Variants in SLC30A8 observed in about 807,000 individuals in gnomAD.
SLC30A8 encodes solute carrier family 30 member 8.
A neutral mutation model predicts 36.9 loss-of-function variants in SLC30A8; 27 were observed. The ratio of observed to expected loss-of-function variants is 0.73; its 90% CI spans 0.54 to 1.01. The LOEUF is 1.01. Ranked by LOEUF, SLC30A8 falls within the 50% of genes least tolerant of loss-of-function variation. SLC30A8 has a pLI of 0.00. For missense variants in SLC30A8, 439 were observed against 452.0 expected (o/e 0.97, Z 0.26); for synonymous variants, 164 against 172.4 (o/e 0.95, Z 0.38).
rs139627106 is a variant in SLC30A8 at position 116,994,203 on chromosome 8, T to G, written c.-266+43084T>G. On this transcript the variant is annotated intron_variant, in intron 1 of 10. Coordinates refer to the SLC30A8 transcript ENST00000427715. ...TTGGAGCAACTGGACCTCTGTGATT[T>G]GTGGGAATGTGAACTGGTGCAACCA... Among the ~76,000 whole-genome samples, 24 of 152,202 alleles carry G rather than the reference T, an allele frequency of 1.6e-4. No homozygotes were observed. The East Asian group carries it at 4.6e-3, about 29-fold the overall frequency.
At chr8:117,166,935 GAC>G (rs1291343882) in intron 6 of SLC30A8, among the ~76,000 whole-genome samples, 1 of 151,680 alleles carries the variant, frequency 6.6e-6, no homozygotes, top group Non-Finnish European at 1.5e-5. Flanking sequence ...TAATAGTGTT[GAC>G]AACAGTGAAA....
intron 1 of SLC30A8, among the ~76,000 whole-genome samples, chr8:116,960,030 G>A (rs900696336): frequency 2.6e-5 from 4 of 152,168 alleles, no homozygotes; most frequent in East Asian, 1.9e-4. Flanking sequence ...TTGAAGCCTC[G>A]AACTTCTTAA....
intron 1 of SLC30A8, among the ~76,000 whole-genome samples, chr8:117,035,082 C>T (rs1817171482): frequency 6.6e-6 from 1 of 152,108 alleles, no homozygotes; most frequent in African/African-American, 2.4e-5. Flanking sequence ...CAAATGATAT[C>T]ATTCCACCCC....
intron 1 of SLC30A8, among the ~76,000 whole-genome samples, chr8:116,972,272 T>C (rs780648643): frequency 2.0e-5 from 3 of 152,236 alleles, no homozygotes; most frequent in Admixed American, 6.5e-5. Flanking sequence ...ATACTTTTGC[T>C]GAAAAGGCTG....
At chr8:117,150,663 T>C (rs1317370563) in intron 2 of SLC30A8, among the ~76,000 whole-genome samples, 1 of 152,168 alleles carries the variant, frequency 6.6e-6, no homozygotes, top group Non-Finnish European at 1.5e-5. Flanking sequence ...TGGAGTGCAG[T>C]GGCCCGATCT....
At chr8:117,004,355 A>G (rs1816105829) in intron 1 of SLC30A8, among the ~76,000 whole-genome samples, 2 of 152,240 alleles carry the variant, frequency 1.3e-5, no homozygotes, top group East Asian at 1.9e-4. Context: ...TCCTTTTCAA[A>G]ATAGTTCTGC....
At chr8:117,151,340 A>C (rs2130980589) in intron 2 of SLC30A8, among the ~76,000 whole-genome samples, 1 of 152,294 alleles carries the variant, frequency 6.6e-6, no homozygotes, top group African/African-American at 2.4e-5. Flanking sequence ...CCCTGGTACC[A>C]TGCACAGTAA....
At chr8:116,981,311 C>T (rs1815251486) in intron 1 of SLC30A8, among the ~76,000 whole-genome samples, 1 of 152,206 alleles carries the variant, frequency 6.6e-6, no homozygotes, top group African/African-American at 2.4e-5. Flanking sequence ...AGGCTCAGAA[C>T]TCACAAAGCA....
At chr8:117,146,866 T>C in intron 1 of SLC30A8, 88 bp from the exon 2 acceptor site, 1 of 1,573,514 alleles carries the variant, frequency 6.4e-7, no homozygotes, top group Non-Finnish European at 8.6e-7. Context: ...AATGTCCTAA[T>C]AGCGGTTCCA....
intron 1 of SLC30A8, among the ~76,000 whole-genome samples, chr8:117,135,732 T>A (rs1463685517): frequency 6.6e-6 from 1 of 151,872 alleles, no homozygotes. Flanking sequence ...GTAAATTTTA[T>A]TATATTATAT....
intron 1 of SLC30A8, among the ~76,000 whole-genome samples, chr8:116,968,767 T>G (rs1274964428): frequency 1.3e-5 from 2 of 152,070 alleles, no homozygotes; most frequent in Non-Finnish European, 2.9e-5. Flanking sequence ...AGATGGAGTC[T>G]CGTTCTGTCA....
chr8:116,982,982 C>T (rs919374925), intron 1 of SLC30A8, among the ~76,000 whole-genome samples: 10 of 152,100 alleles, frequency 6.6e-5, no homozygotes, highest in Non-Finnish European at 1.5e-4. Context: ...TAAATATAAT[C>T]TCTATACTCT....
chr8:117,012,999 C>T (rs1380906430), intron 1 of SLC30A8, among the ~76,000 whole-genome samples: 2 of 151,970 alleles, frequency 1.3e-5, no homozygotes, highest in Non-Finnish European at 2.9e-5. Flanking sequence ...GATGAAAGAG[C>T]AAGCAGACCC....
In SLC30A8 at chr8:117,161,428, TCCCTTCA is replaced by T. The variant is rs539039248; in HGVS notation, c.573-309_573-303del. 7.9e-4 allele frequency among the ~76,000 whole-genome samples: 120 copies of T among 152,300 alleles called. 1 individual carries two copies. The highest frequency in any genetic ancestry group is 2.7e-3 in the African/African-American group (113 of 41,552). On this transcript the variant is annotated intron_variant, in intron 4 of 7. Coordinates refer to ENST00000456015, the MANE Select transcript of SLC30A8 (RefSeq NM_173851.3). ...TCAACCTTCAATAAAGGAGATTTCC[TCCCTTCA>T]TTATCAAATGCTTGATTTTCATCTA...
intron 2 of SLC30A8, among the ~76,000 whole-genome samples, chr8:117,084,669 G>A (rs1266187579): frequency 6.6e-6 from 1 of 151,984 alleles, no homozygotes; most frequent in African/African-American, 2.4e-5. Flanking sequence ...GTTTTTATAG[G>A]TGTGAACTGT....
intron 2 of SLC30A8, among the ~76,000 whole-genome samples, chr8:117,045,299 A>G (rs11780215): frequency 0.12 from 18,381 of 152,212 alleles, 1,429 homozygotes; most frequent in Non-Finnish European, 0.17. Context: ...GAATATTGCC[A>G]TCTTTCTCCT....
intron 2 of SLC30A8, among the ~76,000 whole-genome samples, chr8:117,048,518 A>G (rs1043565318): frequency 6.6e-6 from 1 of 152,188 alleles, no homozygotes; most frequent in Non-Finnish European, 1.5e-5. Flanking sequence ...ACGGTAAGCA[A>G]TTTATGCTTC....
intron 1 of SLC30A8, among the ~76,000 whole-genome samples, chr8:117,007,581 A>C (rs540179916): frequency 1.4e-4 from 22 of 152,236 alleles, no homozygotes; most frequent in Middle Eastern, 3.2e-3. Context: ...ATCTCATGTT[A>C]AGTCCATTTC....
chr8:117,018,813 C>A (rs2130719011), intron 1 of SLC30A8, among the ~76,000 whole-genome samples: 1 of 152,160 alleles, frequency 6.6e-6, no homozygotes, highest in South Asian at 2.1e-4. Context: ...GGGCCTGCCA[C>A]CACGCCTAGC....
Sources: gnomAD v4.1 joint callset for allele counts (sites outside exome capture counted in the v4.1 genomes callset) on GRCh38, gnomAD v4.1.1 for gene constraint, MANE v1.5 for transcripts, NCBI Gene and HGNC (gene_info 2026-07-23, HGNC 2026-07-21) for gene names.